Variants in PRRG1 observed in about 807,000 individuals in gnomAD.
The protein encoded by PRRG1 is transmembrane gamma-carboxyglutamic acid protein 1.
A neutral mutation model predicts 11.8 loss-of-function variants in PRRG1; 5 were observed. That is an observed-to-expected ratio of 0.42 (90% confidence interval 0.22 to 0.89). PRRG1 has a LOEUF of 0.89. Among genes scored for constraint, PRRG1 ranks in the 40% least tolerant of loss-of-function variants. The pLI is 0.28. For synonymous variants in PRRG1, 66 were observed against 60.4 expected (o/e 1.09, Z -0.43); for missense variants, 155 against 166.1 (o/e 0.93, Z 0.37).
intron 3 of PRRG1, among the ~76,000 whole-genome samples, chrX:37,433,209 A>G (rs781904285): frequency 1.8e-5 from 2 of 111,389 alleles, no homozygotes; most frequent in Non-Finnish European, 3.8e-5. Flanking sequence ...GTAAAGGCCA[A>G]AGTGCTCAGA....
At chrX:37,439,007 AACT>A (rs1932928228) in intron 3 of PRRG1, among the ~76,000 whole-genome samples, 1 of 111,959 alleles carries the variant, frequency 8.9e-6, no homozygotes, top group Non-Finnish European at 1.9e-5. Context: ...GTATATCAGT[AACT>A]ATAGAAATAA....
At chrX:37,438,871 A>T (rs982126802) in intron 3 of PRRG1, among the ~76,000 whole-genome samples, 1 of 111,936 alleles carries the variant, frequency 8.9e-6, no homozygotes, top group African/African-American at 3.2e-5. Flanking sequence ...GACTACTGTA[A>T]TTCAATTATT....
intron 2 of PRRG1, 144 bp downstream of exon 2, chrX:37,406,403 G>A (rs1429180036): frequency 1.8e-6 from 1 of 561,412 alleles, no homozygotes; most frequent in African/African-American, 2.4e-5. Context: ...CTGAAGCAGG[G>A]CTTTTCAGAG....
At chrX:37,409,550 C>T (rs1410666960) in intron 2 of PRRG1, among the ~76,000 whole-genome samples, 1 of 112,476 alleles carries the variant, frequency 8.9e-6, no homozygotes, top group African/African-American at 3.2e-5. Flanking sequence ...ATAGCATTTT[C>T]ACTGTGTTGA....
At chrX:37,447,873 C>T (rs1371182966) in intron 3 of PRRG1, among the ~76,000 whole-genome samples, 5 of 112,326 alleles carry the variant, frequency 4.5e-5, no homozygotes, top group African/African-American at 6.5e-5. Flanking sequence ...AGTATGCATG[C>T]CATGGATATA....
rs1932763932 is a variant in PRRG1 at position 37,425,693 on chromosome X, C to T, written c.11-147C>T. ...CACATCATGAGGAAGATAGCAGATA[C>T]AGTGGTTTGGAGCTAAGTGTTACTT... On this transcript the variant is annotated intron_variant, in intron 2 of 3. Coordinates refer to ENST00000378628, the MANE Select transcript of PRRG1 (RefSeq NM_001142395.2). The T allele has an allele frequency of 8.9e-6, 4 of 448,565 alleles. 1 individual carries two copies. The highest frequency in any genetic ancestry group is 6.6e-4 in the Middle Eastern group (1 of 1,523). 37.0% of individuals were successfully genotyped at this position (448,565 alleles called of 1,213,427 possible).
chrX:37,441,114 C>A, intron 3 of PRRG1: 1 of 906,684 alleles, frequency 1.1e-6, no homozygotes, highest in South Asian at 6.2e-5. Context: ...CTAGACAAAA[C>A]AGAACTAAAT....
intron 1 of PRRG1, 94 bp from the exon 2 acceptor site, chrX:37,406,115 T>C: frequency 1.4e-6 from 1 of 721,817 alleles, no homozygotes; most frequent in Non-Finnish European, 2.0e-6. Context: ...AATGAAATGC[T>C]CACATTGACC....
intron 1 of PRRG1, among the ~76,000 whole-genome samples, chrX:37,380,800 A>C (rs1483801201): frequency 1.8e-5 from 2 of 111,426 alleles, no homozygotes; most frequent in South Asian, 3.8e-4. Flanking sequence ...GTTTCCCGAC[A>C]GTTAGACTCC....
intron 1 of PRRG1, among the ~76,000 whole-genome samples, chrX:37,352,286 C>G (rs1250574137): frequency 8.9e-6 from 1 of 112,444 alleles, no homozygotes; most frequent in African/African-American, 3.2e-5. Context: ...ATTAGTAACC[C>G]TTATTTTTCA....
chrX:37,438,859 G>T (rs782647711), intron 3 of PRRG1, among the ~76,000 whole-genome samples: 4 of 111,973 alleles, frequency 3.6e-5, no homozygotes, highest in Admixed American at 2.8e-4. Context: ...TCTGGATGGG[G>T]TGACTACTGT....
At chrX:37,417,790 C>T (rs781957310) in intron 2 of PRRG1, among the ~76,000 whole-genome samples, 3 of 111,242 alleles carry the variant, frequency 2.7e-5, no homozygotes, top group Admixed American at 9.6e-5. Context: ...GACTTACAAG[C>T]GAGAAAACAA....
At chrX:37,453,007 C>T in intron 3 of PRRG1, 129 bp from the exon 4 acceptor site, 1 of 687,530 alleles carries the variant, frequency 1.5e-6, no homozygotes, top group East Asian at 3.6e-5. Flanking sequence ...ACTTGTAGGT[C>T]CTTTGATTCA....
At chrX:37,398,243 A>T (rs1556378868) in intron 1 of PRRG1, among the ~76,000 whole-genome samples, 1 of 110,906 alleles carries the variant, frequency 9.0e-6, no homozygotes, top group Non-Finnish European at 1.9e-5. Context: ...GTAGGGGCGG[A>T]CTGACGCCTC....
chrX:37,441,794 G>C, intron 3 of PRRG1: 2 of 786,576 alleles, frequency 2.5e-6, no homozygotes, highest in Non-Finnish European at 3.1e-6. Context: ...AAGCCAGAGC[G>C]TCAAGACTGG....
intron 3 of PRRG1, among the ~76,000 whole-genome samples, chrX:37,432,139 G>C (rs183367860): frequency 0.011 from 1,165 of 106,301 alleles, 16 homozygotes; most frequent in South Asian, 0.08. Context: ...CCAGGCTGGA[G>C]TGCAGTGGCG....
chrX:37,419,304 CAT>C (rs1932592366), intron 2 of PRRG1, among the ~76,000 whole-genome samples: 2 of 111,582 alleles, frequency 1.8e-5, no homozygotes, highest in African/African-American at 6.5e-5. Flanking sequence ...AAGCTATCAA[CAT>C]ATATTTGACC....
chrX:37,382,781 A>G (rs184247679), intron 1 of PRRG1, among the ~76,000 whole-genome samples: 104 of 111,707 alleles, frequency 9.3e-4, no homozygotes, highest in African/African-American at 3.1e-3. Context: ...ATCAAATAAG[A>G]TACACATGAT....
intron 3 of PRRG1, among the ~76,000 whole-genome samples, chrX:37,435,609 T>C (rs1361490566): frequency 9.0e-6 from 1 of 111,072 alleles, no homozygotes; most frequent in African/African-American, 3.3e-5. Flanking sequence ...AGACATCATT[T>C]ATTTCCATCA....
Sources: allele counts gnomAD v4.1 joint callset (sites outside exome capture counted in the v4.1 genomes callset), GRCh38; gene constraint gnomAD v4.1.1; transcripts MANE v1.5; gene names NCBI Gene and HGNC (gene_info 2026-07-23, HGNC 2026-07-21).